The following MYCT1 variants were observed in gnomAD, a reference collection of about 807,000 sequenced individuals.
The protein encoded by MYCT1 is myc target protein 1.
In MYCT1, 12 loss-of-function variants were observed where a neutral mutation model predicts 15.0. The observed-to-expected ratio is 0.80, with a 90% CI of 0.51 to 1.29. MYCT1 has a LOEUF of 1.29. Ranked by LOEUF, MYCT1 falls within the 50% of genes most tolerant of loss-of-function variation. The probability of loss-of-function intolerance (pLI) is 0.00; values close to 1 mark genes in which losing one functional copy is unlikely to be tolerated. For synonymous variants in MYCT1, 104 were observed against 102.7 expected, an observed-to-expected ratio of 1.01 and a Z score of -0.07; for missense variants, 287 against 279.1, an observed-to-expected ratio of 1.03 and a Z score of -0.20.
At chr6:152,714,210 T>C (rs2099723224) in intron 1 of MYCT1, among the ~76,000 whole-genome samples, 1 of 151,808 alleles carries the variant, frequency 6.6e-6, no homozygotes, top group African/African-American at 2.4e-5. Context: ...CTTTCTCTCC[T>C]CTTTCCATCC....
intron 1 of MYCT1, among the ~76,000 whole-genome samples, chr6:152,700,992 C>T (rs1225346178): frequency 2.0e-5 from 3 of 152,030 alleles, no homozygotes; most frequent in Non-Finnish European, 4.4e-5. Context: ...CACATACAAA[C>T]CTATATAGTT....
At chr6:152,715,891 C>T (rs2099723570) in intron 1 of MYCT1, among the ~76,000 whole-genome samples, 1 of 152,116 alleles carries the variant, frequency 6.6e-6, no homozygotes, top group South Asian at 2.1e-4. Flanking sequence ...GAGATGGGCT[C>T]AGATAATTGG....
downstream of MYCT1, among the ~76,000 whole-genome samples, chr6:152,728,609 A>G (rs1439313818): frequency 6.6e-6 from 1 of 152,176 alleles, no homozygotes; most frequent in African/African-American, 2.4e-5. Flanking sequence ...AAGAATTCAC[A>G]AAGAGGCAGG....
the MYCT1 span, among the ~76,000 whole-genome samples, chr6:152,745,895 G>T: frequency 6.6e-6 from 1 of 152,126 alleles, no homozygotes; most frequent in African/African-American, 2.4e-5. Flanking sequence ...TCCATGATTT[G>T]CTTTGTCTTA....
chr6:152,736,424 A>C, the MYCT1 span, among the ~76,000 whole-genome samples: 739 of 152,250 alleles, frequency 4.9e-3, 3 homozygotes, highest in Non-Finnish European at 9.1e-3. Flanking sequence ...CACCATATCA[A>C]TGAGGCAGGA....
Position 152,706,136 on chromosome 6 carries a change from A to C in MYCT1, c.196+8038A>C. 6 of 1,459,250 alleles carry C rather than the reference A, an allele frequency of 4.1e-6. No homozygotes were observed. The South Asian group carries it at 6.8e-5, about 17-fold the overall frequency. 90.4% of individuals were successfully genotyped at this position (1,459,250 alleles called of 1,614,324 possible). On this transcript the variant is annotated intron_variant, in intron 1 of 1. Transcript: ENST00000367245. Reference sequence around the variant, plus strand: ...AGAGGTGGCATGTTCTAACTCCTAGAATAGTGCTTTACCTTTATTAATGAA... The same window carrying C: ...AGAGGTGGCATGTTCTAACTCCTAGCATAGTGCTTTACCTTTATTAATGAA...
the MYCT1 span, among the ~76,000 whole-genome samples, chr6:152,739,224 A>C: frequency 1.3e-5 from 2 of 151,690 alleles, no homozygotes; most frequent in African/African-American, 4.8e-5. Context: ...TATTGATTGG[A>C]GATTATAATT....
At chr6:152,732,844 G>A in the MYCT1 span, among the ~76,000 whole-genome samples, 1 of 152,130 alleles carries the variant, frequency 6.6e-6, no homozygotes, top group Non-Finnish European at 1.5e-5. Context: ...AGGAATGCCA[G>A]ACCCTGTCAG....
chr6:152,703,575 T>A (rs1321181586), intron 1 of MYCT1, among the ~76,000 whole-genome samples: 1 of 145,612 alleles, frequency 6.9e-6, no homozygotes, highest in Non-Finnish European at 1.5e-5. Context: ...AGTATGCATA[T>A]CATTAACAGG....
chr6:152,737,916 G>C, the MYCT1 span, among the ~76,000 whole-genome samples: 1 of 152,036 alleles, frequency 6.6e-6, no homozygotes, highest in South Asian at 2.1e-4. Flanking sequence ...TCTTCTCTCA[G>C]TTTCTCCAGC....
chr6:152,721,745 A>T lies in MYCT1; in HGVS notation c.200A>T (p.Asp67Val). The T allele has an allele frequency of 6.2e-7, 1 of 1,607,394 alleles. No individual in the cohort carries two copies. Reference sequence around the variant, plus strand: ...CAATTTGTTTTCTTTGTTTCAGAGGACCTTATCATGTCCTTCACTGTATCC... The same window carrying T: ...CAATTTGTTTTCTTTGTTTCAGAGGTCCTTATCATGTCCTTCACTGTATCC... Reference protein sequence around the residue: ...GSPWPENFWEDLIMSFTVSMA... With the variant: ...GSPWPENFWEVLIMSFTVSMA... The change falls in exon 2 of 2, where the codon GAC becomes GTC. Residue 67 changes from aspartate (D) to valine (V), a missense_variant. By Grantham distance (152) the Asp-to-Val change is radical. Coordinates refer to ENST00000367245, the MANE Select transcript of MYCT1 (RefSeq NM_025107.3).
In MYCT1 at chr6:152,706,847, A is replaced by ATGTGTGTGTGTGTGTGTG. The variant is rs4034690; in HGVS notation, c.196+8759_196+8776dup. Among the ~76,000 whole-genome samples, 324 of 148,302 alleles carry ATGTGTGTGTGTGTGTGTG rather than the reference A, an allele frequency of 2.2e-3. 2 individuals are homozygous for ATGTGTGTGTGTGTGTGTG. Among genetic ancestry groups the ATGTGTGTGTGTGTGTGTG allele is most frequent in the African/African-American group, 7.7e-3 (310 of 40,302 alleles). On this transcript the variant is annotated intron_variant, in intron 1 of 1. Transcript: ENST00000367245. The stretch of plus-strand genomic sequence containing the variant: ...AACATTTCCATTATAGAAACCATAT[A>ATGTGTGTGTGTGTGTGTG]TGTGTGTGTGTGTGTGTGTGTGTGT...
At chr6:152,729,588 C>T in the MYCT1 span, among the ~76,000 whole-genome samples, 4 of 152,304 alleles carry the variant, frequency 2.6e-5, 1 homozygote, top group Admixed American at 6.5e-5. Context: ...CAAGGTACAG[C>T]TGCCACACAA....
At chr6:152,739,190 T>TA in the MYCT1 span, among the ~76,000 whole-genome samples, 7 of 151,180 alleles carry the variant, frequency 4.6e-5, no homozygotes, top group African/African-American at 7.3e-5. Context: ...TAGTTTCCCT[T>TA]AAAAAAAAGC....
chr6:152,701,507 A>G (rs557137399), intron 1 of MYCT1, among the ~76,000 whole-genome samples: 18 of 152,326 alleles, frequency 1.2e-4, no homozygotes, highest in Non-Finnish European at 1.5e-5. Flanking sequence ...CTTGCAATCC[A>G]GTGATTTATA....
chr6:152,731,449 C>T, the MYCT1 span, among the ~76,000 whole-genome samples: 1 of 151,926 alleles, frequency 6.6e-6, no homozygotes, highest in Non-Finnish European at 1.5e-5. Flanking sequence ...TATACATGTG[C>T]CATGTTGGTG....
chr6:152,706,490 G>A (rs2099722285), intron 1 of MYCT1, among the ~76,000 whole-genome samples: 1 of 152,152 alleles, frequency 6.6e-6, no homozygotes, highest in African/African-American at 2.4e-5. Flanking sequence ...ACCACCAGAT[G>A]AGAAGTTAAG....
intron 1 of MYCT1, among the ~76,000 whole-genome samples, chr6:152,699,778 G>A (rs2099721016): frequency 6.6e-6 from 1 of 151,960 alleles, no homozygotes; most frequent in Non-Finnish European, 1.5e-5. Flanking sequence ...CTGACTAAAA[G>A]ATTAAAATAA....
intron 1 of MYCT1, among the ~76,000 whole-genome samples, chr6:152,714,238 A>T: frequency 1.6e-5 from 2 of 128,812 alleles, no homozygotes; most frequent in Middle Eastern, 4.8e-3. Flanking sequence ...TCCAATTAGT[A>T]TTTTATTCAT....
Sources: gnomAD v4.1 joint callset for allele counts (sites outside exome capture counted in the v4.1 genomes callset) on GRCh38, gnomAD v4.1.1 for gene constraint, MANE v1.5 for transcripts, NCBI Gene and HGNC (gene_info 2026-07-23, HGNC 2026-07-21) for gene names.